The following CDS2 variants were observed in gnomAD, a reference collection of about 807,000 sequenced individuals.
CDS2 encodes the protein phosphatidate cytidylyltransferase 2.
A neutral mutation model predicts 59.0 loss-of-function variants in CDS2; 47 were observed. That is an observed-to-expected ratio of 0.80 (90% CI 0.63 to 1.02). The LOEUF (loss-of-function observed/expected upper bound fraction) is 1.02. CDS2 is among the 50% of genes least tolerant of loss of function. The pLI, the probability that CDS2 is intolerant of heterozygous loss-of-function variation, is 0.00. For missense variants in CDS2, 356 were observed against 558.9 expected (o/e 0.64, Z 3.66); for synonymous variants, 207 against 206.4 (o/e 1.00, Z -0.02).
At chr20:5,170,840 G>T (rs1242443374) in intron 1 of CDS2, among the ~76,000 whole-genome samples, 1 of 152,204 alleles carries the variant, frequency 6.6e-6, no homozygotes, top group Admixed American at 6.5e-5. Context: ...AGAAAAGAGA[G>T]AAGAATCAAA....
At chr20:5,127,267 C>G in intron 1 of CDS2, 118 bp downstream of exon 1, 1 of 941,976 alleles carries the variant, frequency 1.1e-6, no homozygotes, top group Non-Finnish European at 1.4e-6. Context: ...CGACGGCGGC[C>G]CCGGGCCCGG....
rs2091069284 is a variant in CDS2, at chr20:5,186,559, C to T, written c.829-128C>T. ...AATATGTATGGTAAAACATGAACCT[C>T]TGAGCACATAGCTCGCAGTTAGCAG... is the stretch of plus-strand genomic sequence containing the variant. On this transcript the variant is annotated intron_variant, in intron 9 of 12. Coordinates refer to ENST00000460006, the MANE Select transcript of CDS2 (RefSeq NM_003818.4). 5.1e-6 allele frequency: 4 copies of T among 790,878 alleles called. No homozygotes were observed. The East Asian group carries it at 1.0e-4, about 20-fold the overall frequency. The allele number at this position is 790,878 out of a possible 1,614,324, so 49.0% of individuals were successfully genotyped here. A position where few individuals can be genotyped will look rare whatever the true frequency, so the allele number is the denominator to read the frequency against.
intron 10 of CDS2, among the ~76,000 whole-genome samples, chr20:5,188,418 C>T (rs1261685384): frequency 2.0e-5 from 3 of 152,160 alleles, no homozygotes; most frequent in Non-Finnish European, 2.9e-5. Flanking sequence ...TATCTGCGTA[C>T]GGCTGGATTT....
intron 1 of CDS2, among the ~76,000 whole-genome samples, chr20:5,144,514 T>TG (rs1401491247): frequency 6.6e-6 from 1 of 152,182 alleles, no homozygotes; most frequent in Non-Finnish European, 1.5e-5. Context: ...TGGCCAACCT[T>TG]GGTGGACCAA....
intron 1 of CDS2, among the ~76,000 whole-genome samples, chr20:5,152,416 G>C (rs1057247164): frequency 1.3e-5 from 2 of 152,086 alleles, no homozygotes; most frequent in African/African-American, 4.8e-5. Flanking sequence ...TTCATCTTTA[G>C]TTTGGATACT....
intron 1 of CDS2, among the ~76,000 whole-genome samples, chr20:5,163,263 TTTTA>T (rs2123019181): frequency 6.6e-6 from 1 of 152,320 alleles, no homozygotes; most frequent in East Asian, 1.9e-4. Flanking sequence ...TCGTTTTTAT[TTTTA>T]TTTATTTTTT....
chr20:5,182,515 CT>C, intron 6 of CDS2, 70 bp downstream of exon 6: 1 of 1,345,212 alleles, frequency 7.4e-7, no homozygotes, highest in African/African-American at 1.5e-5. Context: ...CTCAACAAGC[CT>C]TTCATGCTTT....
intron 1 of CDS2, among the ~76,000 whole-genome samples, chr20:5,163,942 C>G (rs771984883): frequency 7.2e-5 from 11 of 151,954 alleles, no homozygotes; most frequent in Non-Finnish European, 1.5e-4. Context: ...AGGTGCCCAC[C>G]ACCACGCCTG....
intron 1 of CDS2, among the ~76,000 whole-genome samples, chr20:5,136,417 T>C (rs2122957594): frequency 6.6e-6 from 1 of 152,314 alleles, no homozygotes; most frequent in African/African-American, 2.4e-5. Flanking sequence ...GGAATCCTTA[T>C]CTGTTTGTTG....
intron 1 of CDS2, among the ~76,000 whole-genome samples, chr20:5,133,740 G>A (rs2122948123): frequency 6.6e-6 from 1 of 152,240 alleles, no homozygotes; most frequent in Non-Finnish European, 1.5e-5. Context: ...GGTCAGGCTG[G>A]TCTCGAACTC....
chr20:5,167,533 GATATATGTAT>G (rs2090921770), intron 1 of CDS2, among the ~76,000 whole-genome samples: 2 of 152,114 alleles, frequency 1.3e-5, no homozygotes, highest in African/African-American at 2.4e-5. Flanking sequence ...ACACTGGCCA[GATATATGTAT>G]ATATATGTAT....
At chr20:5,132,827 A>G (rs565796415) in intron 1 of CDS2, among the ~76,000 whole-genome samples, 4 of 152,308 alleles carry the variant, frequency 2.6e-5, no homozygotes, top group South Asian at 4.1e-4. Context: ...TCCAAAATCT[A>G]TTTTTAAAAA....
At chr20:5,170,322 G>T (rs1039091520) in intron 1 of CDS2, among the ~76,000 whole-genome samples, 1 of 152,200 alleles carries the variant, frequency 6.6e-6, no homozygotes, top group African/African-American at 2.4e-5. Flanking sequence ...TGGGTTCCAG[G>T]TCCCTGCCTG....
chr20:5,134,613 C>T (rs535731136), intron 1 of CDS2, among the ~76,000 whole-genome samples: 2 of 152,080 alleles, frequency 1.3e-5, no homozygotes, highest in East Asian at 1.9e-4. Flanking sequence ...CTCTGCCTCC[C>T]GAGTTCAAGT....
intron 1 of CDS2, among the ~76,000 whole-genome samples, chr20:5,140,859 C>T (rs2090687659): frequency 6.6e-6 from 1 of 152,182 alleles, no homozygotes; most frequent in African/African-American, 2.4e-5. Flanking sequence ...GTTCTAAGTG[C>T]TGGTTTATAG....
intron 7 of CDS2, among the ~76,000 whole-genome samples, chr20:5,183,804 G>A (rs1015107711): frequency 6.6e-6 from 1 of 152,202 alleles, no homozygotes; most frequent in African/African-American, 2.4e-5. Context: ...AAATGCAGTG[G>A]TTTCATGTAT....
intron 1 of CDS2, among the ~76,000 whole-genome samples, chr20:5,162,070 A>C (rs1277098349): frequency 6.6e-6 from 1 of 152,230 alleles, no homozygotes; most frequent in Non-Finnish European, 1.5e-5. Context: ...CAGAATTAAA[A>C]ATAAGTAGAC....
chr20:5,133,079 A>G (rs2090621009), intron 1 of CDS2, among the ~76,000 whole-genome samples: 1 of 151,748 alleles, frequency 6.6e-6, no homozygotes, highest in Non-Finnish European at 1.5e-5. Context: ...GCTGAGGAGA[A>G]TGGCGTGATG....
At chr20:5,141,055 C>T (rs908443382) in intron 1 of CDS2, among the ~76,000 whole-genome samples, 1 of 152,190 alleles carries the variant, frequency 6.6e-6, no homozygotes, top group African/African-American at 2.4e-5. Context: ...TAAAATCTCC[C>T]TCTCTGACCA....
Sources: allele counts gnomAD v4.1 joint callset (sites outside exome capture counted in the v4.1 genomes callset), GRCh38; gene constraint gnomAD v4.1.1; transcripts MANE v1.5; gene names NCBI Gene and HGNC (gene_info 2026-07-23, HGNC 2026-07-21).